CHL1: variants seen among roughly 807,000 people sequenced by gnomAD.
CHL1 encodes neural cell adhesion molecule L1-like protein.
CHL1 carries 96 observed loss-of-function variants against 141.9 expected under a neutral mutation model. That is an observed-to-expected ratio of 0.68 (90% CI 0.57 to 0.80). The LOEUF is 0.80. CHL1 is among the 30% of genes least tolerant of loss of function. The probability of loss-of-function intolerance (pLI) is 0.00; values close to 1 mark genes in which losing one functional copy is unlikely to be tolerated. For missense variants in CHL1, 1,820 were observed against 1,457.2 expected, an observed-to-expected ratio of 1.25 and a Z score of -4.05; for synonymous variants, 613 against 502.2, an observed-to-expected ratio of 1.22 and a Z score of -2.95.
chr3:401,519 A>T (rs985431980), intron 26 of CHL1, 107 bp from the exon 27 acceptor site: 3 of 644,152 alleles, frequency 4.7e-6, no homozygotes, highest in Non-Finnish European at 5.3e-6. Flanking sequence ...GTATCAAAAC[A>T]TTTGAGCAAT....
chr3:389,502 C>A (rs771812281), intron 20 of CHL1, 28 bp downstream of exon 20: 6 of 1,529,590 alleles, frequency 3.9e-6, no homozygotes, highest in Non-Finnish European at 5.4e-6. Context: ...AACTGCTAAG[C>A]ACGTCAGTAA....
At chr3:377,741 T>C (rs912835871) in intron 15 of CHL1, 77 bp from the exon 16 acceptor site, 270 of 1,270,298 alleles carry the variant, frequency 2.1e-4, no homozygotes, top group Non-Finnish European at 2.6e-4. Context: ...ATAAGGAATA[T>C]GCATTTTTAA....
chr3:366,199 G>A, intron 15 of CHL1, 84 bp downstream of exon 15: 2 of 1,295,570 alleles, frequency 1.5e-6, no homozygotes, highest in Admixed American at 2.0e-5. Flanking sequence ...GGTCGGGCAT[G>A]CTGACTCACG....
intron 6 of CHL1, 82 bp downstream of exon 6, chr3:340,998 A>G (rs919395028): frequency 7.3e-7 from 1 of 1,370,354 alleles, no homozygotes; most frequent in African/African-American, 1.5e-5. Context: ...ATCCAAAGAC[A>G]AAATAAAAAA....
intron 2 of CHL1, among the ~76,000 whole-genome samples, chr3:270,133 AG>A (rs1695508790): frequency 6.6e-6 from 1 of 152,156 alleles, no homozygotes; most frequent in African/African-American, 2.4e-5. Context: ...AATGGGGGGA[AG>A]GGGGAAATAT....
chr3:264,215 C>T (rs1158227053), intron 2 of CHL1, among the ~76,000 whole-genome samples: 2 of 152,188 alleles, frequency 1.3e-5, no homozygotes, highest in Non-Finnish European at 2.9e-5. Context: ...AATTATTTCT[C>T]TACGCACTTT....
At chr3:336,426 C>T (rs1164683644) in intron 5 of CHL1, among the ~76,000 whole-genome samples, 2 of 152,140 alleles carry the variant, frequency 1.3e-5, no homozygotes, top group South Asian at 2.1e-4. Context: ...TTAAATTTCC[C>T]TGATGGCATT....
chr3:204,621 T>A (rs1028483640), intron 1 of CHL1, among the ~76,000 whole-genome samples: 1 of 152,194 alleles, frequency 6.6e-6, no homozygotes, highest in South Asian at 2.1e-4. Context: ...TGCTAAAAAC[T>A]GTAAAGTGAC....
rs1707169973 is a variant in CHL1 at position 382,486 on chromosome 3, A to C, written c.1991A>C (p.Glu664Ala). ...TTTATACTACCAGAGTATATTGTTG[A>C]ATTTGAAGGAAACAAAGAAGAGCCT... ...HNSNISEYIV[E>A]FEGNKEEPGR... Residue 664 changes from glutamate to alanine, a missense_variant, in exon 18 of 28, where the codon GAA becomes GCA. Transcript: ENST00000256509. 6.2e-7 allele frequency: 1 copy of C among 1,613,564 alleles called. No individual in the cohort carries two copies. Among genetic ancestry groups the C allele is most frequent in the Non-Finnish European group, 8.5e-7 (1 of 1,179,516 alleles).
At chr3:319,659 A>G (rs961915471) in intron 2 of CHL1, 24 bp from the exon 3 acceptor site, 1 of 619,638 alleles carries the variant, frequency 1.6e-6, no homozygotes, top group African/African-American at 1.9e-5. Context: ...GTGAACTAAC[A>G]TGTTATTCTG....
intron 1 of CHL1, among the ~76,000 whole-genome samples, chr3:244,213 A>C (rs1692940335): frequency 6.6e-6 from 1 of 152,138 alleles, no homozygotes; most frequent in African/African-American, 2.4e-5. Context: ...TTTTATTTTG[A>C]AAGATTAGTC....
At chr3:215,728 T>C (rs1700265722) in intron 1 of CHL1, among the ~76,000 whole-genome samples, 1 of 152,156 alleles carries the variant, frequency 6.6e-6, no homozygotes, top group South Asian at 2.1e-4. Context: ...CATTACAAAG[T>C]GACATCTATT....
chr3:226,739 G>A (rs1271061810), intron 1 of CHL1, among the ~76,000 whole-genome samples: 2 of 151,946 alleles, frequency 1.3e-5, no homozygotes, highest in Non-Finnish European at 2.9e-5. Flanking sequence ...AAGCCACCGC[G>A]CCCGACCTGT....
chr3:268,922 C>G (rs1174923298), intron 2 of CHL1, among the ~76,000 whole-genome samples: 1 of 152,182 alleles, frequency 6.6e-6, no homozygotes, highest in Non-Finnish European at 1.5e-5. Context: ...TTTGTTTACA[C>G]TTCCCCAGTA....
chr3:294,892 A>G (rs1306457251), intron 2 of CHL1, among the ~76,000 whole-genome samples: 1 of 152,218 alleles, frequency 6.6e-6, no homozygotes, highest in African/African-American at 2.4e-5. Flanking sequence ...TTATTCATTT[A>G]ACAAATATTT....
At chr3:220,426 C>T (rs1700729217) in intron 1 of CHL1, among the ~76,000 whole-genome samples, 1 of 152,050 alleles carries the variant, frequency 6.6e-6, no homozygotes, top group South Asian at 2.1e-4. Context: ...GGTGTCCAAC[C>T]TTTTGACTAC....
rs116482798 is a variant in CHL1 at position 356,040 on chromosome 3, C to A, written c.1165+1269C>A. Among the ~76,000 whole-genome samples the A allele has an allele frequency of 1.9e-3, 287 of 152,224 alleles. 2 individuals are homozygous for A. The highest frequency in any genetic ancestry group is 6.6e-3 in the African/African-American group (274 of 41,526). On this transcript the variant is annotated intron_variant, in intron 11 of 27. Transcript: ENST00000256509. ...CACGGGGACTGCCACAAAAACAGCC[C>A]CCCGTAAGGTATGGTTGGTTGGTAT...
intron 2 of CHL1, chr3:309,117 C>G (rs1699515581): frequency 6.6e-6 from 1 of 152,392 alleles, no homozygotes; most frequent in South Asian, 2.1e-4. Context: ...GAGTGCAACA[C>G]TCCCAGCCAC....
intron 1 of CHL1, among the ~76,000 whole-genome samples, chr3:222,003 T>C (rs1559291657): frequency 6.6e-6 from 1 of 152,168 alleles, no homozygotes; most frequent in Non-Finnish European, 1.5e-5. Context: ...TACAAAGTAA[T>C]TAGAATAAAG....
Sources: allele counts gnomAD v4.1 joint callset (sites outside exome capture counted in the v4.1 genomes callset), GRCh38; gene constraint gnomAD v4.1.1; transcripts MANE v1.5; gene names NCBI Gene and HGNC (gene_info 2026-07-23, HGNC 2026-07-21).